ZNF398: variants seen among roughly 807,000 people sequenced by gnomAD.
ZNF398 encodes the protein zinc finger DNA binding protein ZER6.
A neutral mutation model predicts 41.9 loss-of-function variants in ZNF398; 18 were observed. The ratio of observed to expected loss-of-function variants is 0.43; its 90% CI spans 0.30 to 0.64. The LOEUF (loss-of-function observed/expected upper bound fraction) is 0.64. ZNF398 is among the 30% of genes least tolerant of loss of function. The pLI is 0.14. For synonymous variants in ZNF398, 260 were observed against 308.8 expected (o/e 0.84, Z 1.66); for missense variants, 669 against 822.8 (o/e 0.81, Z 2.29).
At chr7:149,170,543 G>A (rs1296800714) in intron 4 of ZNF398, among the ~76,000 whole-genome samples, 1 of 152,078 alleles carries the variant, frequency 6.6e-6, no homozygotes, top group East Asian at 1.9e-4. Flanking sequence ...AGACCATTCT[G>A]GCTGACACGG....
chr7:149,127,969 T>C (rs1826521230), intron 1 of ZNF398, among the ~76,000 whole-genome samples: 1 of 152,184 alleles, frequency 6.6e-6, no homozygotes, highest in South Asian at 2.1e-4. Context: ...TTTTTAGAAA[T>C]GGTATATAAA....
chr7:149,171,644 C>G (rs948770488), intron 4 of ZNF398, among the ~76,000 whole-genome samples: 1 of 152,014 alleles, frequency 6.6e-6, no homozygotes, highest in East Asian at 1.9e-4. Flanking sequence ...CCACCTGCCT[C>G]GGCCTCCCAA....
intron 1 of ZNF398, among the ~76,000 whole-genome samples, chr7:149,150,535 G>A (rs1390883881): frequency 6.6e-6 from 1 of 152,074 alleles, no homozygotes; most frequent in Admixed American, 6.6e-5. Context: ...TGAGATGGAG[G>A]TTGCGGTAAG....
At chr7:149,126,492 C>T (rs1334536874) in exon 1 of ZNF398, 13 of 532,716 alleles carry the variant, frequency 2.4e-5, no homozygotes, top group Non-Finnish European at 3.6e-5. Context: ...CCTTGGACTC[C>T]CGGATCTGCA....
intron 2 of ZNF398, among the ~76,000 whole-genome samples, chr7:149,157,157 G>A (rs1258038316): frequency 6.6e-6 from 1 of 152,050 alleles, no homozygotes; most frequent in East Asian, 1.9e-4. Context: ...GGGGGTGGGA[G>A]GAAATTAGGA....
chr7:149,157,089 A>G (rs961724724), intron 2 of ZNF398, among the ~76,000 whole-genome samples: 3 of 152,050 alleles, frequency 2.0e-5, no homozygotes, highest in Admixed American at 2.0e-4. Context: ...GGCTTGAAGA[A>G]CTGGGTAGAT....
intron 2 of ZNF398, among the ~76,000 whole-genome samples, chr7:149,134,041 G>A (rs1171192242): frequency 2.1e-5 from 3 of 145,608 alleles, no homozygotes; most frequent in African/African-American, 5.0e-5. Context: ...ATGAGCCACC[G>A]TGCTTGGCCA....
At position 149,178,778 on chromosome 7, in the gene ZNF398, G is replaced by A. The variant is rs191515832; in HGVS notation, c.906G>A (p.Gln302=). 50 of 1,614,204 alleles carry A rather than the reference G, an allele frequency of 3.1e-5. No individual in the cohort carries two copies. In the East Asian group the frequency reaches 9.8e-4, roughly 32 times the overall value. ...AFSDVAFKSQ[Q]STSMTPFGRP... is the part of the protein sequence containing the mutation. The stretch of plus-strand genomic sequence containing the variant: ...CAGATGTGGCTTTCAAAAGCCAGCA[G>A]TCTACATCCATGACACCTTTTGGAC... Residue 302 remains glutamine, a synonymous_variant, in exon 6 of 6, where the codon CAG becomes CAA. Transcript: ENST00000475153.
chr7:149,131,170 T>C (rs1826587181), intron 2 of ZNF398, among the ~76,000 whole-genome samples: 1 of 152,240 alleles, frequency 6.6e-6, no homozygotes. Context: ...ATCAGTTCTA[T>C]AGGGCAATTG....
intron 2 of ZNF398, among the ~76,000 whole-genome samples, chr7:149,138,065 G>T (rs1826750378): frequency 6.6e-6 from 1 of 151,896 alleles, no homozygotes; most frequent in South Asian, 2.1e-4. Context: ...GTTGCGCATG[G>T]TGGCGCACGC....
chr7:149,174,142 T>C (rs1449328469), intron 4 of ZNF398, among the ~76,000 whole-genome samples: 1 of 152,076 alleles, frequency 6.6e-6, no homozygotes, highest in Non-Finnish European at 1.5e-5. Flanking sequence ...AATACTAAAA[T>C]GAACACCGGG....
At chr7:149,156,542 A>G (rs1161573825) in intron 2 of ZNF398, among the ~76,000 whole-genome samples, 2 of 148,348 alleles carry the variant, frequency 1.3e-5, no homozygotes, top group African/African-American at 2.5e-5. Context: ...TACTGATGGG[A>G]ATTAGGAAAT....
chr7:149,148,081 C>T (rs2129519998), intron 1 of ZNF398: 1 of 320,068 alleles, frequency 3.1e-6, no homozygotes, highest in East Asian at 4.8e-5. Flanking sequence ...GCCTGCCCGC[C>T]AGACGCGCAG....
chr7:149,173,178 C>T (rs1795387889), intron 4 of ZNF398, among the ~76,000 whole-genome samples: 1 of 141,366 alleles, frequency 7.1e-6, no homozygotes, highest in African/African-American at 2.6e-5. Flanking sequence ...GATCTCGGCT[C>T]ACTGCAACCT....
At chr7:149,145,766 G>A (rs773747740), upstream of ZNF398, among the ~76,000 whole-genome samples, 1 of 152,044 alleles carries the variant, frequency 6.6e-6, no homozygotes, top group Non-Finnish European at 1.5e-5. Flanking sequence ...TGGATGTGAG[G>A]CTTCTTCCTG....
At chr7:149,156,227 C>T (rs1220420704) in intron 2 of ZNF398, among the ~76,000 whole-genome samples, 2 of 151,794 alleles carry the variant, frequency 1.3e-5, no homozygotes, top group African/African-American at 4.8e-5. Flanking sequence ...GATGGGAAGG[C>T]AGGGTGCATT....
chr7:149,167,793 A>G (rs1280019523), intron 4 of ZNF398, among the ~76,000 whole-genome samples: 1 of 151,564 alleles, frequency 6.6e-6, no homozygotes, highest in Admixed American at 6.6e-5. Flanking sequence ...TCTATTTTTT[A>G]GTAGAGATGG....
At chr7:149,151,575 C>T (rs910230566) in intron 1 of ZNF398, among the ~76,000 whole-genome samples, 1 of 151,950 alleles carries the variant, frequency 6.6e-6, no homozygotes, top group Non-Finnish European at 1.5e-5. Flanking sequence ...TATTTTGGAG[C>T]AGCCTTTTAT....
intron 1 of ZNF398, 85 bp from the exon 2 acceptor site, chr7:149,153,860 T>A (rs1054284684): frequency 4.9e-6 from 7 of 1,434,952 alleles, no homozygotes; most frequent in Middle Eastern, 1.9e-4. Context: ...TGCTGGACAG[T>A]TAAGCAGTCC....
Sources: allele counts gnomAD v4.1 joint callset (sites outside exome capture counted in the v4.1 genomes callset), GRCh38; gene constraint gnomAD v4.1.1; transcripts MANE v1.5; gene names NCBI Gene and HGNC (gene_info 2026-07-23, HGNC 2026-07-21).